The following ZNF385D variants were observed in gnomAD, a reference collection of about 807,000 sequenced individuals.
ZNF385D encodes zinc finger protein 659.
ZNF385D carries 15 observed loss-of-function variants against 35.8 expected under a neutral mutation model. The observed-to-expected ratio is 0.42, with a 90% CI of 0.28 to 0.64. The LOEUF is 0.64. Among genes scored for constraint, ZNF385D ranks in the 30% least tolerant of loss-of-function variants. The pLI is 0.23. For synonymous variants in ZNF385D, 212 were observed against 186.8 expected (o/e 1.13, Z -1.10); for missense variants, 474 against 494.6 (o/e 0.96, Z 0.39).
At chr3:21,805,517 A>C (rs1222607970) in intron 3 of ZNF385D, among the ~76,000 whole-genome samples, 2 of 152,212 alleles carry the variant, frequency 1.3e-5, no homozygotes, top group Non-Finnish European at 2.9e-5. Flanking sequence ...GATTTAGGAG[A>C]AAGAACAAAA....
intron 3 of ZNF385D, among the ~76,000 whole-genome samples, chr3:22,026,098 T>C (rs74396471): frequency 1.5e-3 from 221 of 152,212 alleles, no homozygotes; most frequent in African/African-American, 4.4e-3. Context: ...GAGGTTGACA[T>C]TGATAGGAAG....
Position 21,909,194 on chromosome 3 carries a change from C to T in ZNF385D, c.326-244166G>A, listed in dbSNP as rs189586063. 6.1e-3 allele frequency among the ~76,000 whole-genome samples: 781 copies of T among 127,852 alleles called. 10 individuals carry two copies. The highest frequency in any genetic ancestry group is 0.021 in the African/African-American group (701 of 32,838). The allele number at this position is 127,852 out of a possible 152,430, so 83.9% of individuals were successfully genotyped here. On this transcript the variant is annotated intron_variant, in intron 3 of 5. Transcript: ENST00000494108. Reference sequence around the variant, plus strand: ...GACATAAGTTCGTCCAAATATAATACGGATATAATACGGTCCACATATGGA... The same window carrying T: ...GACATAAGTTCGTCCAAATATAATATGGATATAATACGGTCCACATATGGA...
At chr3:21,541,989 A>G (rs1365700098) in intron 3 of ZNF385D, among the ~76,000 whole-genome samples, 2 of 152,240 alleles carry the variant, frequency 1.3e-5, no homozygotes, top group African/African-American at 2.4e-5. Context: ...AGATTTCATC[A>G]GCGCTGGTGC....
chr3:21,617,470 TAC>T (rs1256509477), intron 2 of ZNF385D, among the ~76,000 whole-genome samples: 14 of 152,234 alleles, frequency 9.2e-5, no homozygotes, highest in South Asian at 6.2e-4. Context: ...TAGCTAACAT[TAC>T]AGAGTGCTCC....
At chr3:21,555,264 C>T (rs1444857444) in intron 3 of ZNF385D, among the ~76,000 whole-genome samples, 10 of 150,122 alleles carry the variant, frequency 6.7e-5, no homozygotes, top group Non-Finnish European at 1.0e-4. Context: ...ATGTGCAGAA[C>T]GTGCAGGTTT....
intron 3 of ZNF385D, among the ~76,000 whole-genome samples, chr3:21,971,054 A>C (rs1703223079): frequency 6.6e-6 from 1 of 152,162 alleles, no homozygotes. Context: ...CCTGTCCTAC[A>C]AGAAATACTA....
intron 2 of ZNF385D, among the ~76,000 whole-genome samples, chr3:22,329,184 G>C (rs1476156310): frequency 4.6e-5 from 7 of 151,848 alleles, no homozygotes. Flanking sequence ...CGTCCGTGCT[G>C]ATGTACATCC....
chr3:22,142,732 A>G (rs966441368), intron 3 of ZNF385D, among the ~76,000 whole-genome samples: 2 of 151,842 alleles, frequency 1.3e-5, no homozygotes, highest in Admixed American at 6.6e-5. Context: ...GAGGTTACTA[A>G]CCTTGTGGAG....
chr3:21,796,815 C>T (rs560244639), intron 3 of ZNF385D, among the ~76,000 whole-genome samples: 1 of 152,182 alleles, frequency 6.6e-6, no homozygotes, highest in East Asian at 1.9e-4. Context: ...TCTGGCTGAC[C>T]AAAAGTCCTT....
At chr3:22,066,713 TAAG>T (rs1486159299) in intron 3 of ZNF385D, among the ~76,000 whole-genome samples, 1 of 152,096 alleles carries the variant, frequency 6.6e-6, no homozygotes, top group Admixed American at 6.6e-5. Flanking sequence ...AAGTTACTGC[TAAG>T]AAGATAAGTG....
intron 3 of ZNF385D, among the ~76,000 whole-genome samples, chr3:21,779,410 GA>G (rs2071409657): frequency 6.6e-6 from 1 of 151,490 alleles, no homozygotes; most frequent in African/African-American, 2.4e-5. Context: ...AAAATGTGAG[GA>G]AAAAAACATT....
intron 1 of ZNF385D, among the ~76,000 whole-genome samples, chr3:21,677,937 G>A (rs2125303413): frequency 6.6e-6 from 1 of 152,004 alleles, no homozygotes; most frequent in South Asian, 2.1e-4. Context: ...TATCTGTATT[G>A]TCCCCATAAG....
chr3:22,026,906 G>T (rs1433175843), intron 3 of ZNF385D, among the ~76,000 whole-genome samples: 3 of 152,202 alleles, frequency 2.0e-5, no homozygotes, highest in Non-Finnish European at 4.4e-5. Flanking sequence ...GAGAATGGTG[G>T]TGGATTATTG....
intron 2 of ZNF385D, among the ~76,000 whole-genome samples, chr3:22,202,670 G>T (rs1264854478): frequency 6.6e-6 from 1 of 152,120 alleles, no homozygotes; most frequent in Non-Finnish European, 1.5e-5. Flanking sequence ...AGGCAGTGTG[G>T]AATTGCCAGT....
intron 3 of ZNF385D, among the ~76,000 whole-genome samples, chr3:22,123,908 T>A (rs980550919): frequency 1.4e-5 from 2 of 138,916 alleles, no homozygotes; most frequent in Admixed American, 7.4e-5. Flanking sequence ...AAACAAAAAC[T>A]AGAGCTAGAC....
chr3:22,082,699 T>C (rs918104186), intron 3 of ZNF385D, among the ~76,000 whole-genome samples: 1 of 152,202 alleles, frequency 6.6e-6, no homozygotes, highest in African/African-American at 2.4e-5. Context: ...AAGAGAGCAG[T>C]GGTTCTCCCA....
intron 3 of ZNF385D, among the ~76,000 whole-genome samples, chr3:21,811,897 C>G (rs1274535276): frequency 2.0e-5 from 3 of 152,098 alleles, no homozygotes; most frequent in African/African-American, 7.2e-5. Flanking sequence ...GTAACAAAAC[C>G]TGATCCATTG....
chr3:21,533,375 A>G (rs910447671), intron 3 of ZNF385D, among the ~76,000 whole-genome samples: 2 of 152,070 alleles, frequency 1.3e-5, no homozygotes, highest in Admixed American at 1.3e-4. Context: ...TTTTGCCCAT[A>G]CTAACTTTCT....
chr3:21,946,499 T>C (rs1446931625), intron 3 of ZNF385D, among the ~76,000 whole-genome samples: 2 of 152,204 alleles, frequency 1.3e-5, no homozygotes, highest in African/African-American at 2.4e-5. Flanking sequence ...TAGAATGTTC[T>C]TATGAACTGA....
Sources: allele counts gnomAD v4.1 joint callset (sites outside exome capture counted in the v4.1 genomes callset), GRCh38; gene constraint gnomAD v4.1.1; transcripts MANE v1.5; gene names NCBI Gene and HGNC (gene_info 2026-07-23, HGNC 2026-07-21).